OSBPL10: variants seen among roughly 807,000 people sequenced by gnomAD.
OSBPL10 encodes oxysterol-binding protein-related protein 10.
A neutral mutation model predicts 81.7 loss-of-function variants in OSBPL10; 49 were observed. The observed-to-expected ratio is 0.60, with a 90% confidence interval of 0.48 to 0.76. The LOEUF (loss-of-function observed/expected upper bound fraction) is 0.76, where lower values mean the gene tolerates loss of function less well. Ranked by LOEUF, OSBPL10 falls within the 30% of genes least tolerant of loss-of-function variation. OSBPL10 has a pLI of 0.00. For missense variants in OSBPL10, 923 were observed against 987.8 expected (o/e 0.93, Z 0.88); for synonymous variants, 419 against 383.6 (o/e 1.09, Z -1.08).
chr3:31,831,865 G>A (rs1039358269), intron 3 of OSBPL10, among the ~76,000 whole-genome samples: 2 of 152,278 alleles, frequency 1.3e-5, no homozygotes, highest in East Asian at 1.9e-4. Context: ...CAGCAATCCC[G>A]TGTCTGGGAA....
intron 4 of OSBPL10, among the ~76,000 whole-genome samples, chr3:31,810,460 T>TAAAGA (rs10686917): frequency 0.43 from 65,677 of 151,406 alleles, 15,025 homozygotes; most frequent in African/African-American, 0.59. Flanking sequence ...TCCAAATCTC[T>TAAAGA]AAAGATTGAC....
chr3:31,691,192 G>A (rs994278006), intron 7 of OSBPL10, among the ~76,000 whole-genome samples: 5 of 152,136 alleles, frequency 3.3e-5, no homozygotes, highest in Non-Finnish European at 7.3e-5. Flanking sequence ...AAAAAAGAGA[G>A]GATCTGCACT....
rs575079546 is a variant in OSBPL10 at position 32,049,001 on chromosome 3, G to C, written n.186-2398C>G. On this transcript the variant is annotated intron_variant and non_coding_transcript_variant, in intron 1 of 3. Transcript: ENST00000479173. ...ACCAGTGCTATGACAGTTTACAAAT[G>C]CCATTGCAACATCCGGAAGTTACCC... is the stretch of plus-strand genomic sequence containing the variant. Among the ~76,000 whole-genome samples, 98 of 151,920 alleles carry C rather than the reference G, an allele frequency of 6.5e-4. 1 individual carries two copies. Among genetic ancestry groups the C allele is most frequent in the Admixed American group, 6.5e-5 (1 of 15,290 alleles).
At chr3:31,921,968 C>T (rs1696931033) in intron 1 of OSBPL10, among the ~76,000 whole-genome samples, 1 of 152,178 alleles carries the variant, frequency 6.6e-6, no homozygotes, top group Non-Finnish European at 1.5e-5. Context: ...AAGAGAAAAA[C>T]ATCAGACAAA....
In OSBPL10 at chr3:31,664,183, C is replaced by T. The variant is rs1010053434; in HGVS notation, c.2146G>A (p.Ala716Thr). ...AGGTGCCGCTTCTGCTCGGTGGCTG[C>T]GTCAATGTCCCCCAGCCGCAGGTAT... ...TRYLRLGDID[A>T]ATEQKRHLEE... Residue 716 changes from alanine (A) to threonine (T), a missense_variant, in exon 11 of 12, where the codon GCA (alanine) becomes ACA (threonine). By Grantham distance (58) the Ala-to-Thr change is moderately conservative. Transcript: ENST00000396556. 8.1e-6 allele frequency: 13 copies of T among 1,613,176 alleles called. No homozygotes were observed. Among genetic ancestry groups the T allele is most frequent in the African/African-American group, 1.3e-5 (1 of 74,838 alleles).
intron 1 of OSBPL10, among the ~76,000 whole-genome samples, chr3:31,934,952 T>C (rs1049119337): frequency 1.3e-5 from 2 of 152,132 alleles, no homozygotes; most frequent in African/African-American, 4.8e-5. Flanking sequence ...CCAAGGCTGG[T>C]AGAGTAGTTG....
Position 31,930,003 on chromosome 3 carries a change from C to CAAAAAAAAAAAAAA in OSBPL10, c.282-50187_282-50174dup, listed in dbSNP as rs57256301. On this transcript the variant is annotated intron_variant, in intron 1 of 11. Coordinates refer to ENST00000396556, the MANE Select transcript of OSBPL10 (RefSeq NM_017784.5). ...GATCAAGTGAGACCCTGTCACCAAC[C>CAAAAAAAAAAAAAA]AAAAAAAAAAAAAAAAAAAAAAACA... 2.1e-4 allele frequency among the ~76,000 whole-genome samples: 15 copies of CAAAAAAAAAAAAAA among 72,568 alleles called. 1 individual carries two copies. The highest frequency in any genetic ancestry group is 3.6e-4 in the Admixed American group (2 of 5,520). 47.6% of individuals were successfully genotyped at this position (72,568 alleles called of 152,430 possible).
intron 3 of OSBPL10, among the ~76,000 whole-genome samples, chr3:31,842,191 G>T (rs1341480189): frequency 6.6e-6 from 1 of 152,174 alleles, no homozygotes; most frequent in Non-Finnish European, 1.5e-5. Flanking sequence ...CACACTTAAG[G>T]TCTGTATACA....
intron 4 of OSBPL10, among the ~76,000 whole-genome samples, chr3:31,748,343 C>G (rs1328394808): frequency 6.6e-6 from 1 of 152,134 alleles, no homozygotes; most frequent in Admixed American, 6.5e-5. Context: ...AACTTTCAAG[C>G]TAAAAGGGGC....
At chr3:31,803,959 T>A (rs925555288) in intron 4 of OSBPL10, among the ~76,000 whole-genome samples, 1 of 152,230 alleles carries the variant, frequency 6.6e-6, no homozygotes, top group Non-Finnish European at 1.5e-5. Flanking sequence ...TTCTCCTCTG[T>A]AAAATAACTG....
chr3:31,815,293 C>T (rs187256163), intron 4 of OSBPL10, among the ~76,000 whole-genome samples: 91 of 152,234 alleles, frequency 6.0e-4, no homozygotes, highest in Admixed American at 1.2e-3. Flanking sequence ...GTGGTCCTGC[C>T]ACACCCAGAC....
chr3:31,965,835 A>T (rs1316888246), intron 1 of OSBPL10, among the ~76,000 whole-genome samples: 9 of 85,104 alleles, frequency 1.1e-4, no homozygotes, highest in African/African-American at 5.6e-4. Flanking sequence ...TAAATATATA[A>T]TATATATTAT....
intron 1 of OSBPL10, among the ~76,000 whole-genome samples, chr3:31,893,218 A>G (rs2125662412): frequency 6.6e-6 from 1 of 152,336 alleles, no homozygotes; most frequent in South Asian, 2.1e-4. Context: ...CCTCAAAACT[A>G]AGAGAAGCAA....
At chr3:31,807,153 G>C (rs1292673123) in intron 4 of OSBPL10, among the ~76,000 whole-genome samples, 4 of 152,124 alleles carry the variant, frequency 2.6e-5, no homozygotes, top group African/African-American at 9.7e-5. Flanking sequence ...GCCAAGGCGG[G>C]TGGCTCACTT....
At chr3:32,003,356 G>A (rs1248177260) in intron 2 of OSBPL10, among the ~76,000 whole-genome samples, 1 of 152,198 alleles carries the variant, frequency 6.6e-6, no homozygotes, top group Non-Finnish European at 1.5e-5. Context: ...GTGCTAAGGG[G>A]GAGTTCCCCC....
At chr3:31,836,049 A>G (rs542520054) in intron 3 of OSBPL10, among the ~76,000 whole-genome samples, 1 of 152,344 alleles carries the variant, frequency 6.6e-6, no homozygotes, top group African/African-American at 2.4e-5. Context: ...AAGCTTAAAC[A>G]GACCTAAAGT....
intron 4 of OSBPL10, among the ~76,000 whole-genome samples, chr3:31,774,593 A>T (rs1575535940): frequency 6.6e-6 from 1 of 151,736 alleles, no homozygotes. Context: ...GCTCACTGCT[A>T]CCTCTGCCTC....
At chr3:31,978,600 G>A (rs1364895508) in intron 1 of OSBPL10, among the ~76,000 whole-genome samples, 1 of 152,106 alleles carries the variant, frequency 6.6e-6, no homozygotes, top group Non-Finnish European at 1.5e-5. Context: ...AACAAAATGT[G>A]GGAAATAGAA....
intron 1 of OSBPL10, among the ~76,000 whole-genome samples, chr3:31,940,658 T>C (rs1301461014): frequency 6.6e-6 from 1 of 152,146 alleles, no homozygotes; most frequent in Non-Finnish European, 1.5e-5. Flanking sequence ...CTGAAGTTCT[T>C]ATCTTTTCCC....
Sources: allele counts gnomAD v4.1 joint callset (sites outside exome capture counted in the v4.1 genomes callset), GRCh38; gene constraint gnomAD v4.1.1; transcripts MANE v1.5; gene names NCBI Gene and HGNC (gene_info 2026-07-23, HGNC 2026-07-21).